ANTXRL: variants seen among roughly 807,000 people sequenced by gnomAD.
ANTXRL encodes anthrax toxin receptor-like.
Under a neutral mutation model 75.4 loss-of-function variants are expected in ANTXRL, and 63 were observed. The observed-to-expected ratio is 0.84, with a 90% CI of 0.68 to 1.03. The LOEUF (loss-of-function observed/expected upper bound fraction) is 1.03, where lower values mean the gene tolerates loss of function less well. Ranked by LOEUF, ANTXRL falls within the 50% of genes least tolerant of loss-of-function variation. ANTXRL has a pLI of 0.00. For missense variants in ANTXRL, 797 were observed against 789.4 expected, an observed-to-expected ratio of 1.01 and a Z score of -0.12; for synonymous variants, 335 against 291.3, an observed-to-expected ratio of 1.15 and a Z score of -1.53.
chr10:46,294,857 G>A (rs1249280633), intron 3 of ANTXRL, among the ~76,000 whole-genome samples: 2 of 95,702 alleles, frequency 2.1e-5, no homozygotes, highest in African/African-American at 3.2e-5. Context: ...TCAGAGCTCC[G>A]GCCATGGCAG....
chr10:46,304,007 C>T (rs1837914987), intron 10 of ANTXRL, among the ~76,000 whole-genome samples: 2 of 152,132 alleles, frequency 1.3e-5, no homozygotes, highest in Non-Finnish European at 2.9e-5. Context: ...TCCTCCTTTC[C>T]ATGAGTACAT....
At chr10:46,293,522 C>T (rs7920766) in intron 2 of ANTXRL, among the ~76,000 whole-genome samples, 1,029 of 39,086 alleles carry the variant, frequency 0.026, 9 homozygotes, top group African/African-American at 0.064. Flanking sequence ...TGTGTGTGTG[C>T]CTCTGTGTGT....
rs1554955438 is a variant in ANTXRL, at chr10:46,287,260, A to G, written c.-3A>G. ...GAGGTGGGGTCACAGGGACAGCCAG[A>G]TAATGGGGAGCCATGAGTCCCTGGG... On this transcript the variant is annotated 5_prime_UTR_variant, in exon 1 of 17. Transcript: ENST00000620264. The G allele has an allele frequency of 3.9e-6, 6 of 1,535,670 alleles. No individual in the cohort carries two copies. The highest frequency in any genetic ancestry group is 5.2e-6 in the Non-Finnish European group (6 of 1,146,686).
Position 46,307,562 on chromosome 10 carries a change from C to T in ANTXRL, c.1044+82C>T, listed in dbSNP as rs1164203062. The T allele has an allele frequency of 7.7e-6, 10 of 1,301,506 alleles. No homozygotes were observed. The Admixed American group carries it at 9.9e-5, about 13-fold the overall frequency. 80.6% of individuals were successfully genotyped at this position (1,301,506 alleles called of 1,614,324 possible). ...TAGAAGGAGCACAGAAAAGGCAGAC[C>T]GTTCCCAGGCAGTCCCAGAAAGTAG... On this transcript the variant is annotated intron_variant, in intron 12 of 16. Transcript: ENST00000620264.
intron 7 of ANTXRL, 70 bp downstream of exon 7, chr10:46,297,544 C>T: frequency 6.7e-7 from 1 of 1,481,686 alleles, no homozygotes; most frequent in Non-Finnish European, 9.1e-7. Context: ...CCGTCCCGGG[C>T]CACCCCAAGG....
chr10:46,299,889 C>T (rs1341612626), intron 9 of ANTXRL, among the ~76,000 whole-genome samples: 2 of 152,184 alleles, frequency 1.3e-5, no homozygotes, highest in African/African-American at 4.8e-5. Flanking sequence ...TGTCCCCGAC[C>T]CCGCCTCTCC....
At chr10:46,286,636 T>A (rs1836777702), upstream of ANTXRL, among the ~76,000 whole-genome samples, 2 of 152,140 alleles carry the variant, frequency 1.3e-5, no homozygotes, top group African/African-American at 2.4e-5. Context: ...AACCGGAATG[T>A]CCCTCATTCA....
intron 16 of ANTXRL, among the ~76,000 whole-genome samples, chr10:46,317,912 A>C (rs1427407674): frequency 6.6e-6 from 1 of 152,166 alleles, no homozygotes; most frequent in African/African-American, 2.4e-5. Flanking sequence ...GTAGAGAGGC[A>C]GTGAGGAAGG....
chr10:46,301,555 C>A (rs542956243), intron 9 of ANTXRL, among the ~76,000 whole-genome samples: 6 of 152,182 alleles, frequency 3.9e-5, no homozygotes, highest in African/African-American at 1.2e-4. Context: ...CTCGGAGCTC[C>A]TCATCTGAGG....
chr10:46,286,714 G>A (rs1401995556), upstream of ANTXRL, among the ~76,000 whole-genome samples: 1 of 152,176 alleles, frequency 6.6e-6, no homozygotes, highest in Non-Finnish European at 1.5e-5. Flanking sequence ...GGACTTCAGT[G>A]TCACACAAAT....
intron 3 of ANTXRL, among the ~76,000 whole-genome samples, chr10:46,295,456 GGGTTTGGGTT>G (rs1837309267): frequency 6.7e-6 from 1 of 148,668 alleles, no homozygotes; most frequent in African/African-American, 2.5e-5. Flanking sequence ...GTTAAGGTTA[GGGTTTGGGTT>G]AGAGTTAGAG....
intron 10 of ANTXRL, among the ~76,000 whole-genome samples, chr10:46,303,770 G>T (rs540271144): frequency 1.3e-5 from 2 of 152,096 alleles, no homozygotes; most frequent in Non-Finnish European, 2.9e-5. Flanking sequence ...CTGAGGAAGC[G>T]CATAGTCCAG....
rs114261135 is a variant in ANTXRL at position 46,323,935 on chromosome 10, C to T, written c.1411-5664C>T. 9.7e-3 allele frequency among the ~76,000 whole-genome samples: 1,473 copies of T among 152,130 alleles called. 30 individuals are homozygous for T. Among genetic ancestry groups the T allele is most frequent in the African/African-American group, 0.032 (1,316 of 41,466 alleles). On this transcript the variant is annotated intron_variant, in intron 16 of 16. Coordinates refer to ENST00000620264, the MANE Select transcript of ANTXRL (RefSeq NM_001278688.3). ...CCAGGATCCTCAATATCCTGTGAGT[C>T]CAAGAAAACCTCTTAAATGTCTTTT... is the stretch of plus-strand genomic sequence containing the variant.
At chr10:46,310,685 C>T (rs1416158695) in intron 14 of ANTXRL, among the ~76,000 whole-genome samples, 186 bp downstream of exon 14, 1 of 152,048 alleles carries the variant, frequency 6.6e-6, no homozygotes, top group Admixed American at 6.5e-5. Flanking sequence ...CCTTTCCGCT[C>T]CCTGCACCCC....
chr10:46,316,612 A>G (rs1172577353), intron 16 of ANTXRL, among the ~76,000 whole-genome samples: 1 of 151,962 alleles, frequency 6.6e-6, no homozygotes, highest in African/African-American at 2.4e-5. Flanking sequence ...TTATGAACTG[A>G]CCTGAGGGGA....
intron 3 of ANTXRL, among the ~76,000 whole-genome samples, chr10:46,294,781 G>C (rs12768002): frequency 0.38 from 56,971 of 148,664 alleles, 9,463 homozygotes; most frequent in Non-Finnish European, 0.45. Flanking sequence ...GAAGGCCAGG[G>C]CATGGCCTCT....
intron 9 of ANTXRL, among the ~76,000 whole-genome samples, chr10:46,298,563 T>TG (rs1321793714): frequency 4.0e-5 from 6 of 150,414 alleles, no homozygotes; most frequent in Middle Eastern, 3.4e-3. Flanking sequence ...CTGGCATGAG[T>TG]GGGGGTCTTG....
At chr10:46,304,875 C>T (rs1426733010) in intron 10 of ANTXRL, among the ~76,000 whole-genome samples, 12 of 152,022 alleles carry the variant, frequency 7.9e-5, no homozygotes, top group African/African-American at 2.9e-4. Context: ...CAGCTGCCTC[C>T]TCTGTGGGCC....
At chr10:46,315,222 G>C (rs1838657176) in intron 16 of ANTXRL, among the ~76,000 whole-genome samples, 1 of 152,242 alleles carries the variant, frequency 6.6e-6, no homozygotes, top group Admixed American at 6.5e-5. Flanking sequence ...CTGCTGGTGA[G>C]CTCAGCAGCT....
Sources: gnomAD v4.1 joint callset for allele counts (sites outside exome capture counted in the v4.1 genomes callset) on GRCh38, gnomAD v4.1.1 for gene constraint, MANE v1.5 for transcripts, NCBI Gene and HGNC (gene_info 2026-07-23, HGNC 2026-07-21) for gene names.